Variants in PRDM5 observed in about 807,000 individuals in gnomAD.
PRDM5 encodes PR/SET domain 5, also known as PR domain zinc finger protein 5.
Under a neutral mutation model 81.2 loss-of-function variants are expected in PRDM5, and 56 were observed. The observed-to-expected ratio is 0.69, with a 90% CI of 0.56 to 0.86. The LOEUF is 0.86. Among genes scored for constraint, PRDM5 ranks in the 40% least tolerant of loss-of-function variants. The pLI, the probability that PRDM5 is intolerant of heterozygous loss-of-function variation, is 0.00. For missense variants in PRDM5, 697 were observed against 770.1 expected (o/e 0.91, Z 1.12); for synonymous variants, 267 against 256.4 (o/e 1.04, Z -0.39).
At chr4:120,802,224 C>T (rs1431481838) in intron 8 of PRDM5, among the ~76,000 whole-genome samples, 2 of 152,138 alleles carry the variant, frequency 1.3e-5, no homozygotes, top group Non-Finnish European at 2.9e-5. Flanking sequence ...GTGAAAAATT[C>T]AAGCTAAAGC....
chr4:120,773,719 A>G (rs568696404), intron 13 of PRDM5, among the ~76,000 whole-genome samples: 1 of 152,326 alleles, frequency 6.6e-6, no homozygotes, highest in South Asian at 2.1e-4. Flanking sequence ...ATCCACTGTA[A>G]TAACACCCAA....
chr4:120,754,718 A>C, intron 13 of PRDM5, 80 bp from the exon 14 acceptor site: 2 of 997,946 alleles, frequency 2.0e-6, no homozygotes, highest in Non-Finnish European at 1.6e-6. Context: ...TCACACACTC[A>C]GATCCTGGCC....
intron 10 of PRDM5, among the ~76,000 whole-genome samples, chr4:120,796,094 G>C (rs1751312503): frequency 6.6e-6 from 1 of 151,938 alleles, no homozygotes. Flanking sequence ...TAACCCTTGA[G>C]CATACTAAAA....
intron 3 of PRDM5, chr4:120,838,718 C>A (rs72621832): frequency 0.096 from 14,975 of 156,102 alleles, 1,328 homozygotes; most frequent in East Asian, 0.45. Context: ...ATTATGGGAT[C>A]TTTGGGGTGT....
chr4:120,697,974 A>G (rs138496024), intron 15 of PRDM5, among the ~76,000 whole-genome samples: 1 of 148,528 alleles, frequency 6.7e-6, no homozygotes, highest in Admixed American at 6.7e-5. Context: ...AAAAAAAAAG[A>G]AAATGTCAAT....
chr4:120,909,336 G>A (rs1000195162), intron 1 of PRDM5, among the ~76,000 whole-genome samples: 12 of 152,116 alleles, frequency 7.9e-5, no homozygotes, highest in Non-Finnish European at 1.5e-4. Flanking sequence ...GACCTGGGCC[G>A]TGCAATTGCC....
intron 5 of PRDM5, 32 bp from the exon 6 acceptor site, chr4:120,816,956 G>C: frequency 3.2e-6 from 5 of 1,553,644 alleles, no homozygotes; most frequent in East Asian, 2.2e-5. Context: ...AGAAAGAAAA[G>C]AAAACAAAAA....
chr4:120,741,723 C>T (rs185911192), intron 14 of PRDM5, among the ~76,000 whole-genome samples: 78 of 152,174 alleles, frequency 5.1e-4, no homozygotes, highest in Non-Finnish European at 6.6e-4. Context: ...TTCCGACAGG[C>T]TTAAAAAAAC....
At chr4:120,910,199 T>C (rs1360700429) in intron 1 of PRDM5, among the ~76,000 whole-genome samples, 1 of 152,202 alleles carries the variant, frequency 6.6e-6, no homozygotes, top group Non-Finnish European at 1.5e-5. Flanking sequence ...CTATCTTTGA[T>C]GACATTTCTT....
chr4:120,795,969 C>G (rs994868155), intron 10 of PRDM5, among the ~76,000 whole-genome samples: 2 of 152,056 alleles, frequency 1.3e-5, no homozygotes, highest in African/African-American at 4.8e-5. Context: ...AAATAATATT[C>G]TATTTTTCAA....
chr4:120,846,201 A>C (rs1422839733), intron 3 of PRDM5, among the ~76,000 whole-genome samples: 1 of 152,248 alleles, frequency 6.6e-6, no homozygotes, highest in East Asian at 1.9e-4. Context: ...TTATCTGATA[A>C]AGCAACAGCA....
chr4:120,852,997 G>A (rs546024057), intron 3 of PRDM5, among the ~76,000 whole-genome samples: 80 of 151,824 alleles, frequency 5.3e-4, no homozygotes, highest in South Asian at 1.7e-3. Flanking sequence ...CACCACCTCC[G>A]ACAAGCTCAA....
At chr4:120,714,446 C>G (rs905645645) in intron 14 of PRDM5, among the ~76,000 whole-genome samples, 2 of 152,042 alleles carry the variant, frequency 1.3e-5, no homozygotes, top group Non-Finnish European at 2.9e-5. Flanking sequence ...GACCCTAGGG[C>G]TTTTAATTTC....
intron 2 of PRDM5, among the ~76,000 whole-genome samples, chr4:120,866,930 G>C (rs747997444): frequency 6.6e-6 from 1 of 152,230 alleles, no homozygotes; most frequent in East Asian, 1.9e-4. Context: ...AATTTTCTCT[G>C]GCTGGTAAGT....
At chr4:120,852,976 CCTGA>C (rs1759453384) in intron 3 of PRDM5, among the ~76,000 whole-genome samples, 1 of 151,568 alleles carries the variant, frequency 6.6e-6, no homozygotes, top group South Asian at 2.1e-4. Flanking sequence ...TCTGGGAAAC[CCTGA>C]CTAACACACC....
In PRDM5 at chr4:120,857,835, T is replaced by C. The variant is rs1387922937; in HGVS notation, c.178-4295A>G. Among the ~76,000 whole-genome samples, 3 of 152,354 alleles carry C rather than the reference T, an allele frequency of 2.0e-5. No individual in the cohort carries two copies. The East Asian group carries it at 5.8e-4, about 29-fold the overall frequency. On this transcript the variant is annotated intron_variant, in intron 2 of 15. Transcript: ENST00000264808. ...TAGACAGAGAAGCTCAATTATTATTTGGATGGTTAATTTTCAAAGACGAGT... is the reference window on the plus strand; with the variant it reads ...TAGACAGAGAAGCTCAATTATTATTCGGATGGTTAATTTTCAAAGACGAGT...
intron 13 of PRDM5, among the ~76,000 whole-genome samples, chr4:120,759,074 G>T (rs776164741): frequency 6.6e-6 from 1 of 150,414 alleles, no homozygotes; most frequent in African/African-American, 2.5e-5. Flanking sequence ...TACTCTTAAC[G>T]GTGGCAGTTA....
At chr4:120,845,683 C>A (rs1046274411) in intron 3 of PRDM5, among the ~76,000 whole-genome samples, 4 of 152,210 alleles carry the variant, frequency 2.6e-5, no homozygotes, top group Non-Finnish European at 4.4e-5. Flanking sequence ...ATCCATTCTG[C>A]AGCCCATGGA....
intron 14 of PRDM5, among the ~76,000 whole-genome samples, chr4:120,718,231 C>T (rs943561017): frequency 6.6e-6 from 1 of 152,104 alleles, no homozygotes; most frequent in African/African-American, 2.4e-5. Context: ...TGTGACCAAC[C>T]TGGATTTCAT....
Sources: gnomAD v4.1 joint callset for allele counts (sites outside exome capture counted in the v4.1 genomes callset) on GRCh38, gnomAD v4.1.1 for gene constraint, MANE v1.5 for transcripts, NCBI Gene and HGNC (gene_info 2026-07-23, HGNC 2026-07-21) for gene names.